Variants in C10orf120 observed in about 807,000 individuals in gnomAD.
The protein encoded by C10orf120 is chromosome 10 open reading frame 120, also known as uncharacterized protein C10orf120.
C10orf120 carries 15 observed loss-of-function variants against 10.8 expected under a neutral mutation model. That is an observed-to-expected ratio of 1.39 (90% CI 0.93 to 2.14). The LOEUF (loss-of-function observed/expected upper bound fraction) is 2.14, where lower values mean the gene tolerates loss of function less well. Among genes scored for constraint, C10orf120 ranks in the 30% most tolerant of loss-of-function variants. C10orf120 has a pLI of 0.00. For synonymous variants in C10orf120, 141 were observed against 138.9 expected (o/e 1.02, Z -0.11); for missense variants, 447 against 411.3 (o/e 1.09, Z -0.75).
Position 122,697,827 on chromosome 10 carries a change from C to G in C10orf120, c.914G>C (p.Arg305Thr), listed in dbSNP as rs572746769. The part of the protein sequence containing the change: ...MLMNQDFISR[R>T]DHFSDLVKTY... ...CTTGACCAGATCACTGAAGTGGTCT[C>G]TCCGTGATATAAAATCCTGATTCAT... Residue 305 changes from arginine (R) to threonine (T), a missense_variant, in exon 3 of 3, where the codon AGA becomes ACA. Arg to Thr is a moderately conservative substitution (Grantham distance 71). Transcript: ENST00000329446. The G allele has an allele frequency of 1.2e-6, 2 of 1,613,668 alleles. No individual in the cohort carries two copies. The highest frequency in any genetic ancestry group is 2.2e-5 in the East Asian group (1 of 44,894).
chr10:122,698,209 C>T lies in C10orf120; in HGVS notation c.532G>A (p.Gly178Arg). 4 of 1,613,638 alleles carry T rather than the reference C, an allele frequency of 2.5e-6. No homozygotes were observed. Among genetic ancestry groups the T allele is most frequent in the Non-Finnish European group, 3.4e-6 (4 of 1,179,854 alleles). Residue 178 changes from glycine (G) to arginine (R), a missense_variant, in exon 3 of 3, where the codon GGA becomes AGA. Coordinates refer to ENST00000329446, the MANE Select transcript of C10orf120 (RefSeq NM_001010912.4). ...IERMRLARAL[G>R]NHQPLPYIER... ...ATGTAGGGTAAAGGCTGATGATTTC[C>T]CAGAGCCCGAGCAAGCCTCATCCTC...
In C10orf120 at chr10:122,697,957, C is replaced by G. The variant is rs758466384; in HGVS notation, c.784G>C (p.Asp262His). Residue 262 changes from aspartate (D) to histidine (H), a missense_variant, in exon 3 of 3, where the codon GAT becomes CAT. Physicochemically the swap from Asp to His is moderately conservative, Grantham distance 81. Transcript: ENST00000329446. The stretch of plus-strand genomic sequence containing the variant: ...TTTGCGGGGAGGAATGATTTGCGAT[C>G]ATTTCCATGGTATGTTAAACATTTT... ...PKKCLTYHGNDRKSFLPAKKP... is the reference protein window; with the variant it reads ...PKKCLTYHGNHRKSFLPAKKP... 2.2e-5 allele frequency: 35 copies of G among 1,613,632 alleles called. No individual in the cohort carries two copies. The East Asian group carries it at 7.6e-4, about 35-fold the overall frequency.
In C10orf120 at chr10:122,699,338, A is replaced by G. The variant is rs141897664; in HGVS notation, c.251T>C (p.Leu84Pro). The G allele has an allele frequency of 1.9e-4, 298 of 1,610,198 alleles. No homozygotes were observed. The East Asian group carries it at 6.4e-3, about 35-fold the overall frequency. ...GKYSPLEKEILRLGGIHTIAA... is the reference protein window; with the variant it reads ...GKYSPLEKEIPRLGGIHTIAA... ...GTGTGAAAACTGCGGGACACTTACT[A>G]GGATCTCTTTTTCCAAGGGGGAGTA... is the stretch of plus-strand genomic sequence containing the variant. Residue 84 changes from leucine (L) to proline (P), a missense_variant and splice_region_variant, in exon 2 of 3, where the codon CTA (leucine) becomes CCA (proline). Leu to Pro is a moderately conservative substitution (Grantham distance 98). Transcript: ENST00000329446.
At position 122,698,028 on chromosome 10, in the gene C10orf120, CT is replaced by C; in HGVS notation, c.712del (p.Arg238AspfsTer4). On this transcript the variant is annotated frameshift_variant, in exon 3 of 3. Transcript: ENST00000329446. LOFTEE classifies it low-confidence loss of function (END_TRUNC). ...AACTACATTCATTTTTATTTCTCGT[CT>C]TTTTGTGTTTTTTCCCTCTGCCTCC... ...KEEAEGKNTK[R>X]REIKMNVVFK... is the part of the protein sequence containing the mutation. 1 of 1,608,812 alleles carries C rather than the reference CT, an allele frequency of 6.2e-7. No homozygotes were observed.
Position 122,699,689 on chromosome 10 carries a change from A to T in C10orf120, c.102T>A (p.Phe34Leu). 1 of 1,613,854 alleles carries T rather than the reference A, an allele frequency of 6.2e-7. No homozygotes were observed. Among genetic ancestry groups the T allele is most frequent in the East Asian group, 2.2e-5 (1 of 44,864 alleles). The change falls in exon 1 of 3, where the codon TTT becomes TTA. Residue 34 changes from phenylalanine (F) to leucine (L), a missense_variant. Transcript: ENST00000329446. Reference protein sequence around the residue: ...ERKNEKPVRIFNTNSSFQDQA... With the variant: ...ERKNEKPVRILNTNSSFQDQA... ...GATCCTGAAAGGAAGAGTTGGTATT[A>T]AATATTCTAACTGGCTTTTCATTCT...
chr10:122,697,766 C>T lies in C10orf120; in HGVS notation c.975G>A (p.Glu325=). 6.2e-7 allele frequency: 1 copy of T among 1,614,166 alleles called. No homozygotes were observed. The highest frequency in any genetic ancestry group is 8.5e-7 in the Non-Finnish European group (1 of 1,180,030). Reference sequence around the variant, plus strand: ...GATAAGGAGTTGCTTTACGCATGCGCTCTTTCCAGATACTCTCTTCTTCCA... The same window carrying T: ...GATAAGGAGTTGCTTTACGCATGCGTTCTTTCCAGATACTCTCTTCTTCCA... The part of the protein sequence containing the change: ...YSLEEESIWK[E]RMRKATPYHY The change falls in exon 3 of 3, where the codon GAG becomes GAA. Residue 325 remains glutamate, a synonymous_variant. Transcript: ENST00000329446.
At chr10:122,699,301 T>C (rs1469083457) in intron 2 of C10orf120, 36 bp downstream of exon 2, 1 of 1,503,446 alleles carries the variant, frequency 6.7e-7, no homozygotes, top group Non-Finnish European at 9.2e-7. Context: ...CTGGCTTCAG[T>C]GGGGCCTCTC....
In C10orf120 at chr10:122,698,342, A is replaced by C; in HGVS notation, c.399T>G (p.Cys133Trp). The C allele has an allele frequency of 2.5e-6, 4 of 1,614,186 alleles. No individual in the cohort carries two copies. Among genetic ancestry groups the C allele is most frequent in the Non-Finnish European group, 1.7e-6 (2 of 1,180,036 alleles). The change falls in exon 3 of 3, where the codon TGT becomes TGG. Residue 133 changes from cysteine (C) to tryptophan (W), a missense_variant. Cys to Trp is a radical substitution (Grantham distance 215). Transcript: ENST00000329446. ...TTTTTTCTAGGGGTACACAAATAGC[A>C]CAAGGAGAGGAATGTTTCTTTTTAT... ...MEYKKKHSSP[C>W]AICVPLEKIW... is the part of the protein sequence containing the mutation.
In C10orf120 at chr10:122,697,915, T is replaced by C. The variant is rs1380759388; in HGVS notation, c.826A>G (p.Ile276Val). The C allele has an allele frequency of 6.2e-7, 1 of 1,614,094 alleles. No individual in the cohort carries two copies. The highest frequency in any genetic ancestry group is 1.3e-5 in the African/African-American group (1 of 74,944). ...FLPAKKPERS[I>V]AGLTNRNLFC... The stretch of plus-strand genomic sequence containing the variant: ...AGATTTCGGTTTGTTAGGCCTGCGA[T>C]GGACCGTTCCGGTTTCTTTGCGGGG... The change falls in exon 3 of 3, where the codon ATC becomes GTC. Residue 276 changes from isoleucine to valine, a missense_variant. Transcript: ENST00000329446.
Position 122,699,383 on chromosome 10 carries a change from G to A in C10orf120, c.206C>T (p.Pro69Leu), listed in dbSNP as rs992331896. 1 of 1,613,152 alleles carries A rather than the reference G, an allele frequency of 6.2e-7. No homozygotes were observed. Among genetic ancestry groups the A allele is most frequent in the Admixed American group, 1.7e-5 (1 of 59,990 alleles). Residue 69 changes from proline to leucine, a missense_variant, in exon 2 of 3, where the codon CCA becomes CTA. Physicochemically the swap from Pro to Leu is moderately conservative, Grantham distance 98 (BLOSUM62 -3). Coordinates refer to ENST00000329446, the MANE Select transcript of C10orf120 (RefSeq NM_001010912.4). ...RIWSKFYRSD[P>L]RIALGKYSPL... The stretch of plus-strand genomic sequence containing the variant: ...GGAGTATTTCCCAAGGGCAATCCGT[G>A]GGTCTGATCTGTAGAATTTGCTCCA...
At position 122,698,000 on chromosome 10, in the gene C10orf120, G is replaced by C. The variant is rs1265440065; in HGVS notation, c.741C>G (p.Phe247Leu). ...AACATTTTTTTGGTTCTTTTGACTTGAAAACTACATTCATTTTTATTTCTC... is the reference window on the plus strand; with the variant it reads ...AACATTTTTTTGGTTCTTTTGACTTCAAAACTACATTCATTTTTATTTCTC... ...KRREIKMNVVFKSKEPKKCLT... is the reference protein window; with the variant it reads ...KRREIKMNVVLKSKEPKKCLT... The change falls in exon 3 of 3, where the codon TTC becomes TTG. Residue 247 changes from phenylalanine to leucine, a missense_variant. Physicochemically the swap from Phe to Leu is conservative, Grantham distance 22 (BLOSUM62 0). Coordinates refer to ENST00000329446, the MANE Select transcript of C10orf120 (RefSeq NM_001010912.4). 1.9e-6 allele frequency: 3 copies of C among 1,608,548 alleles called. No homozygotes were observed. Among genetic ancestry groups the C allele is most frequent in the African/African-American group, 2.7e-5 (2 of 74,418 alleles).
In C10orf120 at chr10:122,699,381, G is replaced by A. The variant is rs752100921; in HGVS notation, c.208C>T (p.Arg70Trp). The A allele has an allele frequency of 7.4e-6, 12 of 1,613,088 alleles. No individual in the cohort carries two copies. The highest frequency in any genetic ancestry group is 5.3e-5 in the African/African-American group (4 of 74,898). Residue 70 changes from arginine (R) to tryptophan (W), a missense_variant, in exon 2 of 3, where the codon CGG (arginine) becomes TGG (tryptophan). Physicochemically the swap from Arg to Trp is moderately radical, Grantham distance 101 (BLOSUM62 -3). Coordinates refer to ENST00000329446, the MANE Select transcript of C10orf120 (RefSeq NM_001010912.4). Reference protein sequence around the residue: ...IWSKFYRSDPRIALGKYSPLE... With the variant: ...IWSKFYRSDPWIALGKYSPLE... The stretch of plus-strand genomic sequence containing the variant: ...GGGGAGTATTTCCCAAGGGCAATCC[G>A]TGGGTCTGATCTGTAGAATTTGCTC...
rs200069810 is a variant in C10orf120, at chr10:122,698,113, G to T, written c.628C>A (p.Arg210=). ...TGGGTGTCATAGTTGTCTTCCTTTC[G>T]TCTGGCCTTATTTTTTGCCATTGGA... is the stretch of plus-strand genomic sequence containing the variant. ...LGPMAKNKAR[R]KEDNYDTHNC... Residue 210 remains arginine (R), a synonymous_variant, in exon 3 of 3, where the codon CGA becomes AGA. Coordinates refer to ENST00000329446, the MANE Select transcript of C10orf120 (RefSeq NM_001010912.4). 1.5e-5 allele frequency: 25 copies of T among 1,613,096 alleles called. No homozygotes were observed. The Admixed American group carries it at 4.0e-4, about 26-fold the overall frequency.
At chr10:122,699,005 G>T (rs11248476) in intron 2 of C10orf120, among the ~76,000 whole-genome samples, 4,256 of 150,248 alleles carry the variant, frequency 0.028, 92 homozygotes, top group East Asian at 0.12. Context: ...GCGGTGGCGG[G>T]CGCCTGTAGT....
Position 122,698,506 on chromosome 10 carries a change from A to G in C10orf120, c.253-18T>C, listed in dbSNP as rs1034505965. ...CCTAGACGCTGACAATGGAGAAAGG[A>G]CTATTAAAATCTCAAGAGCACAGGG... On this transcript the variant is annotated intron_variant, in intron 2 of 2. Coordinates refer to ENST00000329446, the MANE Select transcript of C10orf120 (RefSeq NM_001010912.4). 2 of 1,612,788 alleles carry G rather than the reference A, an allele frequency of 1.2e-6. No individual in the cohort carries two copies. The highest frequency in any genetic ancestry group is 2.2e-5 in the East Asian group (1 of 44,874).
chr10:122,697,778 A>C lies in C10orf120; in HGVS notation c.963T>G (p.Ser321Arg). 2 of 1,613,984 alleles carry C rather than the reference A, an allele frequency of 1.2e-6. No homozygotes were observed. The highest frequency in any genetic ancestry group is 1.7e-6 in the Non-Finnish European group (2 of 1,179,962). Reference sequence around the variant, plus strand: ...CTTTACGCATGCGCTCTTTCCAGATACTCTCTTCTTCCAGGCTGTAGGTCT... The same window carrying C: ...CTTTACGCATGCGCTCTTTCCAGATCCTCTCTTCTTCCAGGCTGTAGGTCT... ...LVKTYSLEEE[S>R]IWKERMRKAT... Residue 321 changes from serine (S) to arginine (R), a missense_variant, in exon 3 of 3, where the codon AGT (serine) becomes AGG (arginine). Coordinates refer to ENST00000329446, the MANE Select transcript of C10orf120 (RefSeq NM_001010912.4).
chr10:122,698,225 C>T lies in C10orf120; in HGVS notation c.516G>A (p.Arg172=). The change falls in exon 3 of 3, where the codon AGG becomes AGA. Residue 172 remains arginine, a synonymous_variant. Transcript: ENST00000329446. ...GATGATTTCCCAGAGCCCGAGCAAG[C>T]CTCATCCTCTCTATGTGCTTACTGA... ...VNVSKHIERM[R]LARALGNHQP... is the part of the protein sequence containing the mutation. The T allele has an allele frequency of 1.2e-6, 2 of 1,613,996 alleles. No homozygotes were observed. Among genetic ancestry groups the T allele is most frequent in the Middle Eastern group, 1.6e-4 (1 of 6,062 alleles).
chr10:122,698,580 G>A, intron 2 of C10orf120, 92 bp from the exon 3 acceptor site: 2 of 1,214,360 alleles, frequency 1.6e-6, no homozygotes, highest in Non-Finnish European at 2.4e-6. Flanking sequence ...TCCCTCCATT[G>A]TGGAAAGTGT....
chr10:122,697,802 C>A lies in C10orf120; in HGVS notation c.939G>T (p.Lys313Asn). Residue 313 changes from lysine (K) to asparagine (N), a missense_variant, in exon 3 of 3, where the codon AAG becomes AAT. Lys to Asn is a moderately conservative substitution (Grantham distance 94). Transcript: ENST00000329446. Reference protein sequence around the residue: ...SRRDHFSDLVKTYSLEEESIW... With the variant: ...SRRDHFSDLVNTYSLEEESIW... Reference sequence around the variant, plus strand: ...TACTCTCTTCTTCCAGGCTGTAGGTCTTGACCAGATCACTGAAGTGGTCTC... The same window carrying A: ...TACTCTCTTCTTCCAGGCTGTAGGTATTGACCAGATCACTGAAGTGGTCTC... 1 of 1,614,152 alleles carries A rather than the reference C, an allele frequency of 6.2e-7. No homozygotes were observed. The highest frequency in any genetic ancestry group is 8.5e-7 in the Non-Finnish European group (1 of 1,179,972).
Sources: allele counts gnomAD v4.1 joint callset (sites outside exome capture counted in the v4.1 genomes callset), GRCh38; gene constraint gnomAD v4.1.1; transcripts MANE v1.5; gene names NCBI Gene and HGNC (gene_info 2026-07-23, HGNC 2026-07-21).